TJP2: variants seen among roughly 807,000 people sequenced by gnomAD.
The protein encoded by TJP2 is Friedreich ataxia region gene X104 (tight junction protein ZO-2).
Under a neutral mutation model 133.1 loss-of-function variants are expected in TJP2, and 91 were observed. That is an observed-to-expected ratio of 0.68 (90% CI 0.58 to 0.81). TJP2 has a LOEUF of 0.81. Ranked by LOEUF, TJP2 falls within the 40% of genes least tolerant of loss-of-function variation. The probability of loss-of-function intolerance (pLI) is 0.00; values close to 1 mark genes in which losing one functional copy is unlikely to be tolerated. For missense variants in TJP2, 1,541 were observed against 1,565.6 expected, an observed-to-expected ratio of 0.98 and a Z score of 0.26; for synonymous variants, 592 against 583.4, an observed-to-expected ratio of 1.01 and a Z score of -0.21.
At chr9:69,246,494 AC>A in intron 17 of TJP2, 195 bp from the exon 18 acceptor site, 1 of 606,536 alleles carries the variant, frequency 1.6e-6, no homozygotes, top group East Asian at 3.0e-5. Context: ...TATAATGTGA[AC>A]TCAAACAGCT....
Position 69,221,357 on chromosome 9 carries a change from CG to C in TJP2, c.817del (p.Ala273ProfsTer38), listed in dbSNP as rs864321697. ...ERAYSPEYRR[G>X]ARHDARSRGP... is the part of the protein sequence containing the mutation. ...GGGCCTACAGCCCGGAGTACAGGCG[CG>C]GGGCCCGCCACGATGCCCGCTCTCG... On this transcript the variant is annotated frameshift_variant, in exon 5 of 23. Coordinates refer to ENST00000377245, the MANE Select transcript of TJP2 (RefSeq NM_004817.4). LOFTEE classifies it high-confidence loss of function. 6.3e-7 allele frequency: 1 copy of C among 1,580,636 alleles called. No homozygotes were observed. Among genetic ancestry groups the C allele is most frequent in the Non-Finnish European group, 8.6e-7 (1 of 1,163,304 alleles).
intron 2 of TJP2, among the ~76,000 whole-genome samples, chr9:69,152,817 C>CTTTTTTTTTTTTTTTTTTTTT: frequency 2.1e-5 from 1 of 48,032 alleles, no homozygotes; most frequent in Non-Finnish European, 4.0e-5. Flanking sequence ...CTCTGGAGCT[C>CTTTTTTTTTTTTTTTTTTTTT]TTTTTTTTTT....
At chr9:69,202,547 TAACATA>T (rs1827070291) in intron 1 of TJP2, among the ~76,000 whole-genome samples, 1 of 152,224 alleles carries the variant, frequency 6.6e-6, no homozygotes, top group Non-Finnish European at 1.5e-5. Context: ...AAACTTACCA[TAACATA>T]AACAGTCAAT....
Position 69,246,810 on chromosome 9 carries a change from T to A in TJP2, c.2667+20T>A, listed in dbSNP as rs775790511. The A allele has an allele frequency of 3.7e-6, 6 of 1,600,170 alleles. No individual in the cohort carries two copies. The South Asian group carries it at 6.6e-5, about 18-fold the overall frequency. ...GGAAAGGTATGTGGCATAGATATGC[T>A]GCTATGAGGTGAGAGTCCCTGTTCT... On this transcript the variant is annotated intron_variant, in intron 18 of 22. Transcript: ENST00000377245.
Position 69,237,735 on chromosome 9 carries a change from C to G in TJP2, c.2180-143C>G. On this transcript the variant is annotated intron_variant, in intron 14 of 22. Coordinates refer to ENST00000377245, the MANE Select transcript of TJP2 (RefSeq NM_004817.4). ...GTGAGGATAGTGAAGGCATATTCTTCAGAACAGAGCCAAGCTGAATTGGGG... is the reference window on the plus strand; with the variant it reads ...GTGAGGATAGTGAAGGCATATTCTTGAGAACAGAGCCAAGCTGAATTGGGG... 8 of 687,056 alleles carry G rather than the reference C, an allele frequency of 1.2e-5. No individual in the cohort carries two copies. The South Asian group carries it at 1.2e-4, about 11-fold the overall frequency. The allele number at this position is 687,056 out of a possible 1,614,324, so 42.6% of individuals were successfully genotyped here. A position where few individuals can be genotyped will look rare whatever the true frequency, so the allele number is the denominator to read the frequency against.
In TJP2 at chr9:69,220,989, A is replaced by C. The variant is rs1468021512; in HGVS notation, c.445A>C (p.Arg149=). 2 of 1,612,718 alleles carry C rather than the reference A, an allele frequency of 1.2e-6. No individual in the cohort carries two copies. Among genetic ancestry groups the C allele is most frequent in the Non-Finnish European group, 1.7e-6 (2 of 1,179,852 alleles). ...TGAGGTGATGGACGAGTTTGATGGC[A>C]GAAGTTTCCGGAGTGGCTACAGCGA... ...AFEVMDEFDG[R]SFRSGYSERS... Residue 149 remains arginine (R), a synonymous_variant, in exon 5 of 23, where the codon AGA becomes CGA. Coordinates refer to ENST00000377245, the MANE Select transcript of TJP2 (RefSeq NM_004817.4).
intron 2 of TJP2, among the ~76,000 whole-genome samples, chr9:69,156,672 C>T (rs1823782857): frequency 6.6e-6 from 1 of 151,598 alleles, no homozygotes; most frequent in African/African-American, 2.4e-5. Context: ...GCTGGGACTA[C>T]AGGCGCCCGC....
Position 69,254,771 on chromosome 9 carries a change from A to G in TJP2, c.*397A>G, listed in dbSNP as rs1043488984. ...GAGTCAGAATGTGAAAAAGGAATAA[A>G]AAATACTGTTGGGCTCAAACTAAAT... On this transcript the variant is annotated 3_prime_UTR_variant, in exon 23 of 23. Coordinates refer to ENST00000377245, the MANE Select transcript of TJP2 (RefSeq NM_004817.4). 5.1e-5 allele frequency: 25 copies of G among 491,874 alleles called. No homozygotes were observed. Among genetic ancestry groups the G allele is most frequent in the African/African-American group, 4.2e-4 (22 of 52,256 alleles). The allele number at this position is 491,874 out of a possible 1,614,324, so 30.5% of individuals were successfully genotyped here. A position where few individuals can be genotyped will look rare whatever the true frequency, so the allele number is the denominator to read the frequency against.
upstream of TJP2, chr9:69,121,423 G>A (rs866549435): frequency 3.8e-6 from 3 of 789,242 alleles, no homozygotes; most frequent in Non-Finnish European, 4.3e-6. Flanking sequence ...GCTCGCCACC[G>A]CCCAACTCCC....
chr9:69,187,722 A>C (rs1398867629), intron 1 of TJP2, among the ~76,000 whole-genome samples: 1 of 152,176 alleles, frequency 6.6e-6, no homozygotes, highest in Non-Finnish European at 1.5e-5. Context: ...GGTCAGTTTT[A>C]ACATTAGGGG....
intron 21 of TJP2, 91 bp from the exon 22 acceptor site, chr9:69,252,724 G>A (rs957088130): frequency 8.3e-7 from 1 of 1,202,842 alleles, no homozygotes; most frequent in Non-Finnish European, 1.2e-6. Flanking sequence ...GTAGGATATG[G>A]GGAAAGGGTG....
chr9:69,143,784 T>C (rs1823103912), intron 1 of TJP2, among the ~76,000 whole-genome samples: 2 of 152,138 alleles, frequency 1.3e-5, no homozygotes, highest in South Asian at 4.1e-4. Context: ...AACAGGGAAA[T>C]TGAGGCTTAG....
rs763690705 is a variant in TJP2, at chr9:69,153,147, CG to C, written c.-10+1377del. On this transcript the variant is annotated intron_variant, in intron 2 of 5. Transcript: ENST00000423935. ...ACATGAGAAGCTGAGGTGGGAGGAT[CG>C]CTTGAGCCCAGGAATTCGAGGCTGC... is the stretch of plus-strand genomic sequence containing the variant. 2.6e-5 allele frequency among the ~76,000 whole-genome samples: 4 copies of C among 152,044 alleles called. 1 individual carries two copies. The highest frequency in any genetic ancestry group is 6.6e-5 in the Admixed American group (1 of 15,260).
intron 1 of TJP2, among the ~76,000 whole-genome samples, chr9:69,198,937 T>C (rs904110810): frequency 8.5e-5 from 13 of 152,240 alleles, no homozygotes; most frequent in Non-Finnish European, 1.8e-4. Context: ...TGGTTTATAA[T>C]GTTAAAAATT....
chr9:69,239,038 A>C (rs191169447), intron 16 of TJP2, among the ~76,000 whole-genome samples: 207 of 152,190 alleles, frequency 1.4e-3, no homozygotes, highest in African/African-American at 4.8e-3. Flanking sequence ...AAATATAAAA[A>C]ATTAGCCGGG....
intron 1 of TJP2, among the ~76,000 whole-genome samples, chr9:69,149,199 A>C (rs1471463891): frequency 6.6e-6 from 1 of 152,248 alleles, no homozygotes; most frequent in Non-Finnish European, 1.5e-5. Flanking sequence ...TTATAGAGAA[A>C]GTTAAAGCCA....
chr9:69,165,803 C>T (rs1019884099), intron 2 of TJP2, among the ~76,000 whole-genome samples: 5 of 152,178 alleles, frequency 3.3e-5, no homozygotes, highest in African/African-American at 1.2e-4. Context: ...CTCCCTCCTC[C>T]ATGTTGCAAA....
upstream of TJP2, among the ~76,000 whole-genome samples, chr9:69,169,374 G>GC (rs1002597514): frequency 6.7e-6 from 1 of 149,322 alleles, no homozygotes; most frequent in African/African-American, 2.5e-5. Flanking sequence ...TTTTTTGGGG[G>GC]GGGGATGGAG....
upstream of TJP2, among the ~76,000 whole-genome samples, chr9:69,171,450 C>T (rs550349430): frequency 6.6e-6 from 1 of 152,306 alleles, no homozygotes; most frequent in South Asian, 2.1e-4. Flanking sequence ...GGCAACTTCA[C>T]CTTCTGGCAC....
Sources: allele counts gnomAD v4.1 joint callset (sites outside exome capture counted in the v4.1 genomes callset), GRCh38; gene constraint gnomAD v4.1.1; transcripts MANE v1.5; gene names NCBI Gene and HGNC (gene_info 2026-07-23, HGNC 2026-07-21).